Variants in SH3D19 observed in about 807,000 individuals in gnomAD.
The protein encoded by SH3D19 is SH3 domain-containing protein 19.
A neutral mutation model predicts 112.1 loss-of-function variants in SH3D19; 58 were observed. The ratio of observed to expected loss-of-function variants is 0.52; its 90% confidence interval spans 0.42 to 0.64. The LOEUF is 0.64. Among genes scored for constraint, SH3D19 ranks in the 30% least tolerant of loss-of-function variants. The pLI is 0.00. For missense variants in SH3D19, 1,090 were observed against 1,263.4 expected, an observed-to-expected ratio of 0.86 and a Z score of 2.08; for synonymous variants, 391 against 448.5, an observed-to-expected ratio of 0.87 and a Z score of 1.62.
chr4:151,227,292 T>C (rs7688786), intron 1 of SH3D19, among the ~76,000 whole-genome samples: 105,616 of 152,112 alleles, frequency 0.69, 41,765 homozygotes, highest in Non-Finnish European at 0.89. Context: ...GTTAAACGTA[T>C]GTAACAATTC....
chr4:151,219,056 T>A (rs1187391223), intron 2 of SH3D19, among the ~76,000 whole-genome samples: 2 of 152,226 alleles, frequency 1.3e-5, no homozygotes, highest in Non-Finnish European at 2.9e-5. Context: ...ATACTACATA[T>A]CCTTAATTCA....
At chr4:151,263,343 A>G (rs1466050736) in intron 1 of SH3D19, among the ~76,000 whole-genome samples, 1 of 152,218 alleles carries the variant, frequency 6.6e-6, no homozygotes. Flanking sequence ...ACTTAATCCA[A>G]GATGAAAACC....
At chr4:151,281,208 AGAG>A (rs747860255) in intron 1 of SH3D19, among the ~76,000 whole-genome samples, 30 of 152,316 alleles carry the variant, frequency 2.0e-4, no homozygotes, top group African/African-American at 3.1e-4. Context: ...GAACAAAATG[AGAG>A]GAGATTTACA....
intron 9 of SH3D19, among the ~76,000 whole-genome samples, chr4:151,151,153 G>A (rs987255058): frequency 2.0e-5 from 3 of 151,994 alleles, no homozygotes; most frequent in Non-Finnish European, 2.9e-5. Flanking sequence ...TAGAGACGAC[G>A]TTTCACCATG....
chr4:151,245,908 T>C (rs1748343155), intron 1 of SH3D19, among the ~76,000 whole-genome samples: 1 of 152,188 alleles, frequency 6.6e-6, no homozygotes, highest in South Asian at 2.1e-4. Flanking sequence ...GGCCTGGGTT[T>C]ATGAGTCTTT....
At chr4:151,289,114 T>C (rs753181355) in intron 1 of SH3D19, among the ~76,000 whole-genome samples, 6 of 152,224 alleles carry the variant, frequency 3.9e-5, no homozygotes, top group Non-Finnish European at 5.9e-5. Flanking sequence ...TAAACATTGG[T>C]ATTGAATCAG....
intron 7 of SH3D19, among the ~76,000 whole-genome samples, chr4:151,168,496 G>A (rs922954881): frequency 7.3e-5 from 11 of 151,632 alleles, no homozygotes; most frequent in Non-Finnish European, 1.0e-4. Flanking sequence ...GCGCAGTGGT[G>A]CAATCACGAC....
intron 1 of SH3D19, among the ~76,000 whole-genome samples, chr4:151,255,410 C>A (rs1156565036): frequency 6.6e-6 from 1 of 151,300 alleles, no homozygotes; most frequent in Non-Finnish European, 1.5e-5. Context: ...CAGAGGCACT[C>A]CCCACATCTC....
chr4:151,253,153 A>C (rs1195524444), intron 1 of SH3D19, among the ~76,000 whole-genome samples: 1 of 152,196 alleles, frequency 6.6e-6, no homozygotes, highest in Non-Finnish European at 1.5e-5. Flanking sequence ...GCAAGAGCCT[A>C]CATCATTTGG....
intron 9 of SH3D19, among the ~76,000 whole-genome samples, chr4:151,153,632 C>T (rs1050098208): frequency 6.6e-6 from 1 of 152,162 alleles, no homozygotes; most frequent in Non-Finnish European, 1.5e-5. Flanking sequence ...TTCTTAGGCA[C>T]AGATTGACTT....
Position 151,144,005 on chromosome 4 carries a change from A to G in SH3D19, c.2128T>C (p.Leu710=). The change falls in exon 12 of 20, where the codon TTG becomes CTG. Residue 710 remains leucine, a synonymous_variant. Coordinates refer to ENST00000604030, the MANE Select transcript of SH3D19 (RefSeq NM_001378122.1). ...GTGTCTTCTCCCTTTTGGCACTCCA[A>G]GTAATTATTTTCCGTCTGCTTCAGC... ...VMLKQTENNY[L]ECQKGEDTGR... is the part of the protein sequence containing the mutation. 2 of 1,614,166 alleles carry G rather than the reference A, an allele frequency of 1.2e-6. No homozygotes were observed. The highest frequency in any genetic ancestry group is 1.1e-5 in the South Asian group (1 of 91,076).
At chr4:151,301,816 C>T in intron 1 of SH3D19, among the ~76,000 whole-genome samples, 1 of 152,156 alleles carries the variant, frequency 6.6e-6, no homozygotes, top group Non-Finnish European at 1.5e-5. Context: ...CCCAAAGGCA[C>T]ATTACATTCT....
At position 151,123,872 on chromosome 4, in the gene SH3D19, G is replaced by GA. The variant is rs919698961; in HGVS notation, c.3028-1666dup. On this transcript the variant is annotated intron_variant, in intron 19 of 19. Coordinates refer to ENST00000604030, the MANE Select transcript of SH3D19 (RefSeq NM_001378122.1). ...TGTAGCCCTAGTACATTACCCTCTGGAAAAAAAAATGGCTTGATTTAAGGC... is the reference window on the plus strand; with the variant it reads ...TGTAGCCCTAGTACATTACCCTCTGGAAAAAAAAAATGGCTTGATTTAAGGC... Among the ~76,000 whole-genome samples, 310 of 149,140 alleles carry GA rather than the reference G, an allele frequency of 2.1e-3. 1 individual carries two copies. The highest frequency in any genetic ancestry group is 7.3e-3 in the African/African-American group (298 of 40,672).
In SH3D19 at chr4:151,149,524, C is replaced by T. The variant is rs772895672; in HGVS notation, c.1793G>A (p.Arg598Gln). The T allele has an allele frequency of 7.8e-5, 125 of 1,610,938 alleles. No homozygotes were observed. The highest frequency in any genetic ancestry group is 1.1e-4 in the East Asian group (5 of 44,778). Residue 598 changes from arginine (R) to glutamine (Q), a missense_variant, in exon 10 of 20, where the codon CGA becomes CAA. Arg to Gln is a conservative substitution (Grantham distance 43). Coordinates refer to ENST00000604030, the MANE Select transcript of SH3D19 (RefSeq NM_001378122.1). Reference protein sequence around the residue: ...NHPGQTGGFVRVPPRLPPRPV... With the variant: ...NHPGQTGGFVQVPPRLPPRPV... ...CCTCGGTGGCAACCTTGGGGGTACT[C>T]GCACAAAACCTCCTGTTTGACCTGG...
rs377418693 is a variant in SH3D19, at chr4:151,255,783, G to A, written c.113-29697C>T. Among the ~76,000 whole-genome samples, 6 of 152,378 alleles carry A rather than the reference G, an allele frequency of 3.9e-5. No homozygotes were observed. The East Asian group carries it at 5.8e-4, about 15-fold the overall frequency. On this transcript the variant is annotated intron_variant, in intron 1 of 19. Coordinates refer to ENST00000604030, the MANE Select transcript of SH3D19 (RefSeq NM_001378122.1). ...ACTCCGTCTGCAATCCAGGCACCTC[G>A]GGAGGCCGAGGCTGGCGGATCACTT...
rs574202993 is a variant in SH3D19 at position 151,130,865 on chromosome 4, C to T, written c.2742+1466G>A. Among the ~76,000 whole-genome samples, 125 of 151,264 alleles carry T rather than the reference C, an allele frequency of 8.3e-4. 2 individuals carry two copies. The highest frequency in any genetic ancestry group is 2.1e-3 in the Admixed American group (32 of 15,184). Reference sequence around the variant, plus strand: ...TTGAGTCAGGAGAATCACTTGAAGCCGGCAGCAGAGGTTGCAGTGAGCCAA... The same window carrying T: ...TTGAGTCAGGAGAATCACTTGAAGCTGGCAGCAGAGGTTGCAGTGAGCCAA... On this transcript the variant is annotated intron_variant, in intron 17 of 19. Transcript: ENST00000604030.
At chr4:151,136,668 CTG>C (rs1293927356) in intron 14 of SH3D19, among the ~76,000 whole-genome samples, 2 of 152,130 alleles carry the variant, frequency 1.3e-5, no homozygotes, top group Non-Finnish European at 2.9e-5. Context: ...GTGGCAGATT[CTG>C]TGTGATTGAT....
At chr4:151,304,177 G>GA (rs1450216324) in intron 1 of SH3D19, among the ~76,000 whole-genome samples, 1 of 151,746 alleles carries the variant, frequency 6.6e-6, no homozygotes, top group Admixed American at 6.6e-5. Context: ...AGTGACATCA[G>GA]AAAAAATGGC....
rs11368412 is a variant in SH3D19 at position 151,251,198 on chromosome 4, C to CTT, written c.113-25114_113-25113dup. Among the ~76,000 whole-genome samples the CTT allele has an allele frequency of 2.2e-3, 311 of 142,540 alleles. 2 individuals carry two copies. The highest frequency in any genetic ancestry group is 4.9e-3 in the African/African-American group (186 of 38,312). The allele number at this position is 142,540 out of a possible 152,430, so 93.5% of individuals were successfully genotyped here. ...TTTGTTCTTTCTTTTTCTTTTTTTCCTTTTTTTTTTTTTTTCCTGAGACGG... is the reference window on the plus strand; with the variant it reads ...TTTGTTCTTTCTTTTTCTTTTTTTCCTTTTTTTTTTTTTTTTTCCTGAGACGG... On this transcript the variant is annotated intron_variant, in intron 1 of 19. Coordinates refer to ENST00000604030, the MANE Select transcript of SH3D19 (RefSeq NM_001378122.1).
Sources: allele counts gnomAD v4.1 joint callset (sites outside exome capture counted in the v4.1 genomes callset), GRCh38; gene constraint gnomAD v4.1.1; transcripts MANE v1.5; gene names NCBI Gene and HGNC (gene_info 2026-07-23, HGNC 2026-07-21).